ZNF236: variants seen among roughly 807,000 people sequenced by gnomAD.
ZNF236 encodes regulated by glucose.
ZNF236 carries 50 observed loss-of-function variants against 191.2 expected under a neutral mutation model. The ratio of observed to expected loss-of-function variants is 0.26; its 90% CI spans 0.21 to 0.33. The LOEUF (loss-of-function observed/expected upper bound fraction) is 0.33. Among genes scored for constraint, ZNF236 ranks in the 10% least tolerant of loss-of-function variants. ZNF236 has a pLI of 1.00. For synonymous variants in ZNF236, 907 were observed against 928.8 expected, an observed-to-expected ratio of 0.98 and a Z score of 0.43; for missense variants, 1,754 against 2,374.5, an observed-to-expected ratio of 0.74 and a Z score of 5.43.
rs755826614 is a variant in ZNF236 at position 76,895,193 on chromosome 18, C to T, written c.1598C>T (p.Thr533Met). The change falls in exon 10 of 31, where the codon ACG (threonine) becomes ATG (methionine). Residue 533 changes from threonine (T) to methionine (M), a missense_variant. By Grantham distance (81) the Thr-to-Met change is moderately conservative (BLOSUM62 -1). Coordinates refer to ENST00000320610, the MANE Select transcript of ZNF236 (RefSeq NM_001306089.2). ...VKSTLTAHIK[T>M]HTGIKAFKCQ... ...AGCACGCTGACAGCGCACATCAAGA[C>T]GCACACCGGCATCAAGGCGTTCAAG... 1.0e-5 allele frequency: 16 copies of T among 1,603,684 alleles called. No homozygotes were observed. Among genetic ancestry groups the T allele is most frequent in the Non-Finnish European group, 1.2e-5 (14 of 1,179,964 alleles).
At chr18:76,932,884 C>T (rs1325766750) in intron 25 of ZNF236, among the ~76,000 whole-genome samples, 2 of 152,210 alleles carry the variant, frequency 1.3e-5, no homozygotes, top group African/African-American at 4.8e-5. Context: ...TGAGGGCGCA[C>T]GCACTCCAGG....
chr18:76,938,656 T>G (rs1418803973), intron 26 of ZNF236, among the ~76,000 whole-genome samples: 2 of 152,172 alleles, frequency 1.3e-5, no homozygotes, highest in African/African-American at 2.4e-5. Flanking sequence ...TGTTGGCAAA[T>G]AGGCTTTGCC....
intron 5 of ZNF236, among the ~76,000 whole-genome samples, chr18:76,873,881 C>A (rs1343131032): frequency 6.8e-6 from 1 of 146,932 alleles, no homozygotes; most frequent in Non-Finnish European, 1.5e-5. Flanking sequence ...CCTCCTGCCC[C>A]CCTGTCGTCC....
At chr18:76,961,598 C>G (rs1968669834) in intron 30 of ZNF236, among the ~76,000 whole-genome samples, 1 of 152,162 alleles carries the variant, frequency 6.6e-6, no homozygotes, top group East Asian at 1.9e-4. Flanking sequence ...ACTGCTGGAT[C>G]AAATGGTAGT....
In ZNF236 at chr18:76,957,590, CAG is replaced by C. The variant is rs1269528819; in HGVS notation, c.5112+1409_5112+1410del. Among the ~76,000 whole-genome samples the C allele has an allele frequency of 1.8e-4, 27 of 152,310 alleles. No individual in the cohort carries two copies. The South Asian group carries it at 4.8e-3, about 27-fold the overall frequency. On this transcript the variant is annotated intron_variant, in intron 28 of 30. Transcript: ENST00000320610. ...TTGTTATACAGGTAAACTCAGGTCACAGGGGATTGTTGTACAGATTATTTCAT... is the reference window on the plus strand; with the variant it reads ...TTGTTATACAGGTAAACTCAGGTCACGGGATTGTTGTACAGATTATTTCAT...
chr18:76,905,124 A>G (rs2122742629), intron 12 of ZNF236, 31 bp from the exon 13 acceptor site: 9 of 1,580,396 alleles, frequency 5.7e-6, no homozygotes, highest in East Asian at 2.3e-5. Flanking sequence ...TATAAGAAAC[A>G]TATTCATTAA....
chr18:76,902,158 A>G (rs1977611580), intron 11 of ZNF236, among the ~76,000 whole-genome samples: 1 of 152,204 alleles, frequency 6.6e-6, no homozygotes, highest in African/African-American at 2.4e-5. Context: ...CATGAGGGAA[A>G]TGATTGCTAG....
intron 26 of ZNF236, among the ~76,000 whole-genome samples, chr18:76,944,129 A>G (rs1373197458): frequency 6.6e-6 from 1 of 152,158 alleles, no homozygotes; most frequent in East Asian, 1.9e-4. Context: ...TTCAGTAGTC[A>G]TGGGTGGGGC....
chr18:76,831,341 T>A (rs1975163783), intron 1 of ZNF236, among the ~76,000 whole-genome samples: 1 of 152,216 alleles, frequency 6.6e-6, no homozygotes, highest in African/African-American at 2.4e-5. Flanking sequence ...GAGTAAGACA[T>A]GCATTCCTCC....
chr18:76,854,582 T>TGC (rs1975990460), intron 3 of ZNF236, among the ~76,000 whole-genome samples: 1 of 70,920 alleles, frequency 1.4e-5, no homozygotes, highest in African/African-American at 8.9e-5. Flanking sequence ...AGACTGTCAC[T>TGC]ACAAAAAAAA....
At chr18:76,918,438 T>C (rs1024862678) in intron 19 of ZNF236, among the ~76,000 whole-genome samples, 4 of 152,184 alleles carry the variant, frequency 2.6e-5, no homozygotes, top group African/African-American at 9.7e-5. Context: ...TTGGGGTTCT[T>C]TTGAGAAACA....
chr18:76,877,994 T>C lies in ZNF236; in HGVS notation c.841-15T>C. On this transcript the variant is annotated splice_polypyrimidine_tract_variant and intron_variant, in intron 6 of 30. Coordinates refer to ENST00000320610, the MANE Select transcript of ZNF236 (RefSeq NM_001306089.2). ...TAATTGTAAAACATCATTTTTTTCC[T>C]TTTTATTCTTTAAGGTCAAGAATGG... 6.5e-7 allele frequency: 1 copy of C among 1,538,556 alleles called. No homozygotes were observed. The highest frequency in any genetic ancestry group is 1.8e-4 in the Middle Eastern group (1 of 5,646).
At chr18:76,884,630 C>T (rs1409048876) in intron 9 of ZNF236, among the ~76,000 whole-genome samples, 4 of 152,072 alleles carry the variant, frequency 2.6e-5, no homozygotes, top group African/African-American at 4.8e-5. Flanking sequence ...GGGTCACTGC[C>T]GTGAACTTCG....
chr18:76,929,126 A>G (rs1342073000), intron 25 of ZNF236, among the ~76,000 whole-genome samples: 1 of 150,658 alleles, frequency 6.6e-6, no homozygotes, highest in East Asian at 1.9e-4. Flanking sequence ...GCAGAAATTA[A>G]TTTCAGAACT....
intron 3 of ZNF236, among the ~76,000 whole-genome samples, chr18:76,865,543 G>T (rs374320210): frequency 5.3e-5 from 8 of 152,128 alleles, no homozygotes; most frequent in Admixed American, 1.3e-4. Context: ...AAGCCACTTC[G>T]TTTGGTAGAA....
chr18:76,882,575 G>C (rs1190887456), intron 9 of ZNF236, among the ~76,000 whole-genome samples: 1 of 152,110 alleles, frequency 6.6e-6, no homozygotes, highest in Non-Finnish European at 1.5e-5. Context: ...AGTTGTCTTG[G>C]GGAACAAGTG....
rs566835841 is a variant in ZNF236, at chr18:76,925,277, C to G, written c.3750C>G (p.Ala1250=). The part of the protein sequence containing the change: ...LKVHMRLHTG[A]KPFKCPHCEL... ...TCCACATGCGCCTGCACACGGGAGC[C>G]AAGCCCTTCAAATGCCCGCATTGCG... Residue 1250 remains alanine, a synonymous_variant, in exon 22 of 31, where the codon GCC becomes GCG. Transcript: ENST00000320610. This position sits in a 1 kb window ranked among gnomAD's most constrained non-coding sequence, Gnocchi z 5.7. 2 of 1,614,200 alleles carry G rather than the reference C, an allele frequency of 1.2e-6. No homozygotes were observed. The highest frequency in any genetic ancestry group is 4.5e-5 in the East Asian group (2 of 44,888).
intron 7 of ZNF236, among the ~76,000 whole-genome samples, chr18:76,878,862 T>C (rs1392302295): frequency 2.6e-5 from 4 of 152,230 alleles, no homozygotes. Flanking sequence ...AGCTGCCTCC[T>C]ACCAGTATGG....
intron 25 of ZNF236, among the ~76,000 whole-genome samples, chr18:76,929,640 G>A (rs1214533738): frequency 6.6e-6 from 1 of 152,188 alleles, no homozygotes; most frequent in Non-Finnish European, 1.5e-5. Flanking sequence ...TTTGGCTTCA[G>A]CTGTTCTAGG....
Sources: allele counts gnomAD v4.1 joint callset (sites outside exome capture counted in the v4.1 genomes callset), GRCh38; gene constraint gnomAD v4.1.1; non-coding constraint Gnocchi (gnomAD v3.1); transcripts MANE v1.5; gene names NCBI Gene and HGNC (gene_info 2026-07-23, HGNC 2026-07-21).